The following C1RL variants were observed in gnomAD, a reference collection of about 807,000 sequenced individuals.
C1RL encodes complement C1r subcomponent like, also known as complement C1r subcomponent-like protein.
In C1RL, 27 loss-of-function variants were observed where a neutral mutation model predicts 27.9. The observed-to-expected ratio is 0.97, with a 90% CI of 0.71 to 1.33. C1RL has a LOEUF of 1.33. Ranked by LOEUF, C1RL falls within the 40% of genes most tolerant of loss-of-function variation. The probability of loss-of-function intolerance (pLI) is 0.00; values close to 1 mark genes in which losing one functional copy is unlikely to be tolerated. For missense variants in C1RL, 563 were observed against 623.9 expected, an observed-to-expected ratio of 0.90 and a Z score of 1.04; for synonymous variants, 248 against 252.1, an observed-to-expected ratio of 0.98 and a Z score of 0.15.
Position 7,096,714 on chromosome 12 carries a change from C to A in C1RL, c.1141G>T (p.Glu381Ter). The change falls in exon 6 of 6, where the codon GAG becomes TAG. Residue 381 changes from glutamate to a stop codon, truncating the protein, a stop_gained. Transcript: ENST00000266542. LOFTEE classifies it low-confidence loss of function (END_TRUNC). Reference sequence around the variant, plus strand: ...AGCTCAGTAGTTAGCCAGCCCATCTCCATGCCAAACCCACTGACGTAGCCC... The same window carrying A: ...AGCTCAGTAGTTAGCCAGCCCATCTACATGCCAAACCCACTGACGTAGCCC... The part of the protein sequence containing the change: ...LLGYVSGFGM[E>*]MGWLTTELKY... 6 of 1,613,876 alleles carry A rather than the reference C, an allele frequency of 3.7e-6. No homozygotes were observed. Among genetic ancestry groups the A allele is most frequent in the Non-Finnish European group, 5.1e-6 (6 of 1,179,862 alleles).
At chr12:7,107,534 T>A (rs1320664243) in intron 2 of C1RL, among the ~76,000 whole-genome samples, 7 of 152,134 alleles carry the variant, frequency 4.6e-5, no homozygotes, top group Non-Finnish European at 7.4e-5. Context: ...TAATTAAAAA[T>A]TTTAAAATTA....
At chr12:7,097,241 T>G in intron 5 of C1RL, 78 bp from the exon 6 acceptor site, 1 of 1,358,714 alleles carries the variant, frequency 7.4e-7, no homozygotes. Flanking sequence ...TTCTCTGAAG[T>G]GCTGTGGTAG....
chr12:7,096,675 G>A lies in C1RL; in HGVS notation c.1180C>T (p.Leu394=), dbSNP rs373433289. The A allele has an allele frequency of 1.2e-5, 20 of 1,614,004 alleles. No homozygotes were observed. The highest frequency in any genetic ancestry group is 2.5e-6 in the Non-Finnish European group (3 of 1,180,016). The change falls in exon 6 of 6, where the codon CTG becomes TTG. Residue 394 remains leucine (L), a synonymous_variant. Transcript: ENST00000266542. ...CAGGCCTCCCTGGGAGCTACAGGCA[G>A]CCTCGAGTACTTCAGCTCAGTAGTT... ...WLTTELKYSR[L]PVAPREACNA... is the part of the protein sequence containing the mutation.
Position 7,094,970 on chromosome 12 carries a change from T to G in C1RL, c.*1421A>C. The G allele has an allele frequency of 9.0e-7, 1 of 1,106,028 alleles. No individual in the cohort carries two copies. Among genetic ancestry groups the G allele is most frequent in the Non-Finnish European group, 1.1e-6 (1 of 899,530 alleles). The allele number at this position is 1,106,028 out of a possible 1,614,324, so 68.5% of individuals were successfully genotyped here. Reference sequence around the variant, plus strand: ...ATGTACAACTTTGAATCCTGCCATTTTTTAGAGATAAATTTAACCTTTGAC... The same window carrying G: ...ATGTACAACTTTGAATCCTGCCATTGTTTAGAGATAAATTTAACCTTTGAC... On this transcript the variant is annotated 3_prime_UTR_variant, in exon 6 of 6. Coordinates refer to ENST00000266542, the MANE Select transcript of C1RL (RefSeq NM_016546.4).
rs148944703 is a variant in C1RL at position 7,094,835 on chromosome 12, T to C, written c.*1556A>G. On this transcript the variant is annotated 3_prime_UTR_variant, in exon 6 of 6. Coordinates refer to ENST00000266542, the MANE Select transcript of C1RL (RefSeq NM_016546.4). ...CTCAAGCGATCCTCTTGCATCAGCC[T>C]CCTGAGTGGCTGGGGGTATAAGTGT... 383 of 972,334 alleles carry C rather than the reference T, an allele frequency of 3.9e-4. 1 individual carries two copies. In the Middle Eastern group the frequency reaches 7.3e-3, roughly 19 times the overall value. 60.2% of individuals were successfully genotyped at this position (972,334 alleles called of 1,614,324 possible). A position where few individuals can be genotyped will look rare whatever the true frequency, so the allele number is the denominator to read the frequency against.
intron 2 of C1RL, among the ~76,000 whole-genome samples, chr12:7,103,087 C>T (rs1333963206): frequency 5.3e-5 from 8 of 152,160 alleles, no homozygotes; most frequent in African/African-American, 1.2e-4. Flanking sequence ...ATTTCTCAAT[C>T]GCCCCAAATA....
rs61917912 is a variant in C1RL, at chr12:7,096,260, G to A, written c.*131C>T. ...TGCAGTGGCTTGGTGCAACAGTGAT[G>A]TGAATAGGATTTCCCTGCCTCCCCC... On this transcript the variant is annotated 3_prime_UTR_variant, in exon 6 of 6. Transcript: ENST00000266542. The A allele has an allele frequency of 0.093, 131,019 of 1,402,180 alleles. 7,848 individuals are homozygous for A. The highest frequency in any genetic ancestry group is 0.23 in the African/African-American group (15,712 of 68,140). 86.9% of individuals were successfully genotyped at this position (1,402,180 alleles called of 1,614,324 possible). A position where few individuals can be genotyped will look rare whatever the true frequency, so the allele number is the denominator to read the frequency against.
intron 5 of C1RL, among the ~76,000 whole-genome samples, chr12:7,097,806 G>GC (rs767842176): frequency 5.3e-5 from 8 of 152,052 alleles, no homozygotes; most frequent in Non-Finnish European, 1.0e-4. Flanking sequence ...ACCATCCTGG[G>GC]CCCCCATACT....
Position 7,094,559 on chromosome 12 carries a change from G to GCA in C1RL, c.*1831_*1832insTG, listed in dbSNP as rs1302112593. The GCA allele has an allele frequency of 7.0e-5, 36 of 515,076 alleles. No homozygotes were observed. In the East Asian group the frequency reaches 3.7e-3, roughly 53 times the overall value. The allele number at this position is 515,076 out of a possible 1,614,324, so 31.9% of individuals were successfully genotyped here. On this transcript the variant is annotated 3_prime_UTR_variant, in exon 6 of 6. Coordinates refer to ENST00000266542, the MANE Select transcript of C1RL (RefSeq NM_016546.4). ...TCTAGACATACACATATAAATATAG[G>GCA]TATATATATATTTTTTTGCCTTGGC...
chr12:7,102,331 C>T (rs1938651699), intron 2 of C1RL, among the ~76,000 whole-genome samples: 1 of 152,206 alleles, frequency 6.6e-6, no homozygotes, highest in African/African-American at 2.4e-5. Flanking sequence ...AATTATTTCA[C>T]GTAACCCACT....
rs1938385989 is a variant in C1RL, at chr12:7,094,997, A to G, written c.*1394T>C. On this transcript the variant is annotated 3_prime_UTR_variant, in exon 6 of 6. Coordinates refer to ENST00000266542, the MANE Select transcript of C1RL (RefSeq NM_016546.4). ...TTAGAGATAAATTTAACCTTTGACC[A>G]TATAGCAACTTGACTCTTGATGCTA... 1.8e-6 allele frequency: 2 copies of G among 1,113,360 alleles called. No homozygotes were observed. The highest frequency in any genetic ancestry group is 1.0e-4 in the Admixed American group (2 of 19,824). 69.0% of individuals were successfully genotyped at this position (1,113,360 alleles called of 1,614,324 possible).
chr12:7,097,007 T>A lies in C1RL; in HGVS notation c.848A>T (p.His283Leu). The change falls in exon 6 of 6, where the codon CAC (histidine) becomes CTC (leucine). Residue 283 changes from histidine to leucine, a missense_variant. Coordinates refer to ENST00000266542, the MANE Select transcript of C1RL (RefSeq NM_016546.4). Reference protein sequence around the residue: ...LGDRWILTAAHTIYPKDSVSL... With the variant: ...LGDRWILTAALTIYPKDSVSL... ...AACACTGTCCTTGGGGTAGATGGTG[T>A]GGGCAGCAGTGAGGATCCATCTGTC... The A allele has an allele frequency of 6.2e-7, 1 of 1,614,136 alleles. No homozygotes were observed. Among genetic ancestry groups the A allele is most frequent in the Non-Finnish European group, 8.5e-7 (1 of 1,180,014 alleles).
Position 7,096,793 on chromosome 12 carries a change from G to GT in C1RL, c.1061dup (p.Asn354LysfsTer10). Reference sequence around the variant, plus strand: ...TATCGGGCAGACAGACCGGGAGGACGTTGGGGCCCAGGGGGATGCTGTGCT... The same window carrying GT: ...TATCGGGCAGACAGACCGGGAGGACGTTTGGGGCCCAGGGGGATGCTGTGCT... On this transcript the variant is annotated frameshift_variant, in exon 6 of 6. Transcript: ENST00000266542. LOFTEE classifies it low-confidence loss of function (END_TRUNC). The GT allele has an allele frequency of 6.2e-7, 1 of 1,605,410 alleles. No homozygotes were observed. The highest frequency in any genetic ancestry group is 8.5e-7 in the Non-Finnish European group (1 of 1,175,166).
chr12:7,100,133 T>G (rs1236369872), intron 3 of C1RL, 107 bp from the exon 4 acceptor site: 18 of 1,124,252 alleles, frequency 1.6e-5, no homozygotes, highest in Non-Finnish European at 2.2e-5. Flanking sequence ...TATTTTTTAT[T>G]TTTAGTTTTT....
Position 7,109,157 on chromosome 12 carries a change from C to T in C1RL, c.24G>A (p.Gly8=), listed in dbSNP as rs753954702. The change falls in exon 1 of 6, where the codon GGG becomes GGA. Residue 8 remains glycine, a synonymous_variant. Coordinates refer to ENST00000266542, the MANE Select transcript of C1RL (RefSeq NM_016546.4). MPGPRVW[G]KYLWRSPHSK... ...AGTGAGGGCTTCTCCAGAGATATTTCCCCCACACTCTGGGTCCAGGCATCT... is the reference window on the plus strand; with the variant it reads ...AGTGAGGGCTTCTCCAGAGATATTTTCCCCACACTCTGGGTCCAGGCATCT... 5 of 1,601,562 alleles carry T rather than the reference C, an allele frequency of 3.1e-6. No homozygotes were observed. Among genetic ancestry groups the T allele is most frequent in the Non-Finnish European group, 4.3e-6 (5 of 1,173,576 alleles).
At position 7,094,560 on chromosome 12, in the gene C1RL, T is replaced by C. The variant is rs3168379; in HGVS notation, c.*1831A>G. On this transcript the variant is annotated 3_prime_UTR_variant, in exon 6 of 6. Coordinates refer to ENST00000266542, the MANE Select transcript of C1RL (RefSeq NM_016546.4). ...CTAGACATACACATATAAATATAGG[T>C]ATATATATATTTTTTTGCCTTGGCA... 67,069 of 568,498 alleles carry C rather than the reference T, an allele frequency of 0.12. 4,778 individuals carry two copies. Among genetic ancestry groups the C allele is most frequent in the East Asian group, 0.45 (2,866 of 6,432 alleles). The allele number at this position is 568,498 out of a possible 1,614,324, so 35.2% of individuals were successfully genotyped here.
In C1RL at chr12:7,095,659, A is replaced by C; in HGVS notation, c.*732T>G. ...GGGGCTGGGAGGGAAAGCGGGTGACACAGCAGGTTAGAGGAGGGTTGAGAA... is the reference window on the plus strand; with the variant it reads ...GGGGCTGGGAGGGAAAGCGGGTGACCCAGCAGGTTAGAGGAGGGTTGAGAA... On this transcript the variant is annotated 3_prime_UTR_variant, in exon 6 of 6. Transcript: ENST00000266542. The C allele has an allele frequency of 1.0e-6, 1 of 985,558 alleles. No homozygotes were observed. Among genetic ancestry groups the C allele is most frequent in the Non-Finnish European group, 1.2e-6 (1 of 829,836 alleles). 61.1% of individuals were successfully genotyped at this position (985,558 alleles called of 1,614,324 possible).
At position 7,095,262 on chromosome 12, in the gene C1RL, C is replaced by G; in HGVS notation, c.*1129G>C. On this transcript the variant is annotated 3_prime_UTR_variant, in exon 6 of 6. Coordinates refer to ENST00000266542, the MANE Select transcript of C1RL (RefSeq NM_016546.4). ...TCCCGAGTAGCTGGGACTACAGGCA[C>G]GTGTCACCACGCCCGGCTAATTTTT... The G allele has an allele frequency of 1.4e-6, 1 of 728,224 alleles. No individual in the cohort carries two copies. Among genetic ancestry groups the G allele is most frequent in the South Asian group, 2.3e-5 (1 of 43,484 alleles). The allele number at this position is 728,224 out of a possible 1,614,324, so 45.1% of individuals were successfully genotyped here.
At chr12:7,106,750 CAAAA>C (rs781059649) in intron 2 of C1RL, among the ~76,000 whole-genome samples, 5 of 151,920 alleles carry the variant, frequency 3.3e-5, no homozygotes, top group Middle Eastern at 3.4e-3. Flanking sequence ...CAAAACAAAA[CAAAA>C]AAACTCCATG....
Sources: gnomAD v4.1 joint callset for allele counts (sites outside exome capture counted in the v4.1 genomes callset) on GRCh38, gnomAD v4.1.1 for gene constraint, MANE v1.5 for transcripts, NCBI Gene and HGNC (gene_info 2026-07-23, HGNC 2026-07-21) for gene names.